The following TMEM87B variants were observed in gnomAD, a reference collection of about 807,000 sequenced individuals.
TMEM87B encodes the protein transmembrane protein 87B.
TMEM87B carries 83 observed loss-of-function variants against 80.3 expected under a neutral mutation model. The observed-to-expected ratio is 1.03, with a 90% confidence interval of 0.87 to 1.24. The LOEUF is 1.24. Among genes scored for constraint, TMEM87B ranks in the 50% most tolerant of loss-of-function variants. The pLI is 0.00. For missense variants in TMEM87B, 625 were observed against 674.4 expected, an observed-to-expected ratio of 0.93 and a Z score of 0.81; for synonymous variants, 219 against 230.5, an observed-to-expected ratio of 0.95 and a Z score of 0.45.
rs1357486656 is a variant in TMEM87B at position 112,055,699 on chromosome 2, C to T, written c.108C>T (p.Thr36=). 2 of 1,553,264 alleles carry T rather than the reference C, an allele frequency of 1.3e-6. No homozygotes were observed. Among genetic ancestry groups the T allele is most frequent in the South Asian group, 1.2e-5 (1 of 83,496 alleles). Residue 36 remains threonine, a synonymous_variant, in exon 1 of 19, where the codon ACC becomes ACT. Transcript: ENST00000283206. ...TCGCCCTCTGCCTCCTGTGCTGGAC[C>T]CCGGCGGCTGTGCGCGCGGTCCCTG... ...LRVALCLLCW[T]PAAVRAVPEL...
At chr2:112,084,521 G>C (rs1218403686) in intron 8 of TMEM87B, among the ~76,000 whole-genome samples, 1 of 152,218 alleles carries the variant, frequency 6.6e-6, no homozygotes, top group South Asian at 2.1e-4. Flanking sequence ...CTCGCTGCAT[G>C]ATACTGCCAG....
chr2:112,109,738 A>G (rs1256497378), intron 17 of TMEM87B, among the ~76,000 whole-genome samples: 1 of 77,322 alleles, frequency 1.3e-5, no homozygotes, highest in Non-Finnish European at 2.5e-5. Flanking sequence ...TCCCATGGTC[A>G]TTTTCCAGTG....
At chr2:112,096,345 A>G (rs779867188) in intron 11 of TMEM87B, among the ~76,000 whole-genome samples, 1 of 152,046 alleles carries the variant, frequency 6.6e-6, no homozygotes, top group Non-Finnish European at 1.5e-5. Flanking sequence ...CGGTGTGTCT[A>G]GTCCCACCAC....
intron 13 of TMEM87B, 22 bp downstream of exon 13, chr2:112,097,313 A>G: frequency 6.4e-7 from 1 of 1,551,242 alleles, no homozygotes; most frequent in Non-Finnish European, 8.7e-7. Flanking sequence ...CTTCCTATTT[A>G]AACAGTTATT....
chr2:112,096,935 T>G, intron 11 of TMEM87B, 109 bp from the exon 12 acceptor site: 2 of 723,744 alleles, frequency 2.8e-6, no homozygotes, highest in Non-Finnish European at 4.7e-6. Context: ...GCTTCAAATT[T>G]TAGGAACTGT....
intron 15 of TMEM87B, among the ~76,000 whole-genome samples, chr2:112,101,611 T>C (rs940743188): frequency 1.3e-5 from 2 of 152,180 alleles, no homozygotes; most frequent in Non-Finnish European, 2.9e-5. Context: ...TACTGTATTC[T>C]TACAATAAAG....
chr2:112,113,053 TATGA>T (rs1208373794), intron 18 of TMEM87B, 124 bp downstream of exon 18: 22 of 874,182 alleles, frequency 2.5e-5, no homozygotes, highest in Middle Eastern at 6.9e-4. Flanking sequence ...AGAAAGATGC[TATGA>T]ATTGATTTGT....
intron 3 of TMEM87B, 150 bp from the exon 4 acceptor site, chr2:112,066,786 C>A: frequency 1.4e-6 from 1 of 695,898 alleles, no homozygotes; most frequent in Non-Finnish European, 2.2e-6. Context: ...ATATTCGAAA[C>A]AGTTTTTATT....
At chr2:112,111,693 CTG>C (rs1254422553) in intron 17 of TMEM87B, among the ~76,000 whole-genome samples, 3 of 152,146 alleles carry the variant, frequency 2.0e-5, no homozygotes, top group Non-Finnish European at 4.4e-5. Flanking sequence ...CCTTATACAT[CTG>C]TGGAAATGGA....
At chr2:112,073,242 T>G (rs937561035) in intron 4 of TMEM87B, among the ~76,000 whole-genome samples, 1 of 152,166 alleles carries the variant, frequency 6.6e-6, no homozygotes, top group Non-Finnish European at 1.5e-5. Context: ...GGGCGTTTAG[T>G]GCTGTAAATT....
intron 4 of TMEM87B, among the ~76,000 whole-genome samples, chr2:112,068,822 T>C (rs1008207101): frequency 1.3e-5 from 2 of 152,206 alleles, no homozygotes; most frequent in African/African-American, 4.8e-5. Flanking sequence ...GGCAACACTA[T>C]CCTCATTAAG....
At chr2:112,078,920 A>G (rs977630545) in intron 6 of TMEM87B, among the ~76,000 whole-genome samples, 11 of 152,200 alleles carry the variant, frequency 7.2e-5, no homozygotes, top group African/African-American at 2.4e-4. Context: ...GTATATGATC[A>G]GATTTGGCAC....
chr2:112,092,205 T>C (rs988649856), intron 11 of TMEM87B, among the ~76,000 whole-genome samples: 4 of 152,120 alleles, frequency 2.6e-5, no homozygotes, highest in African/African-American at 9.7e-5. Context: ...AACATTTAAA[T>C]TGAGACTGGG....
chr2:112,113,131 A>G (rs1324072442), intron 18 of TMEM87B, among the ~76,000 whole-genome samples: 1 of 142,668 alleles, frequency 7.0e-6, no homozygotes, highest in Non-Finnish European at 1.5e-5. Flanking sequence ...ATAAATACTT[A>G]CTGGTATGAA....
At chr2:112,093,828 A>C (rs1233367501) in intron 11 of TMEM87B, among the ~76,000 whole-genome samples, 3 of 152,224 alleles carry the variant, frequency 2.0e-5, no homozygotes, top group Non-Finnish European at 1.5e-5. Flanking sequence ...CTGCTTGTTA[A>C]GGGGACTCTC....
At chr2:112,089,967 A>G (rs534972745) in intron 10 of TMEM87B, among the ~76,000 whole-genome samples, 1 of 152,366 alleles carries the variant, frequency 6.6e-6, no homozygotes, top group East Asian at 1.9e-4. Flanking sequence ...GTCCCATCCC[A>G]GAAAGGTTCA....
At chr2:112,071,874 A>C (rs1346996161) in intron 4 of TMEM87B, among the ~76,000 whole-genome samples, 2 of 152,190 alleles carry the variant, frequency 1.3e-5, no homozygotes, top group African/African-American at 2.4e-5. Context: ...TGTCAAGGGT[A>C]ATGCTTCCAG....
chr2:112,083,037 A>T (rs1177086993), intron 8 of TMEM87B, among the ~76,000 whole-genome samples: 1 of 152,210 alleles, frequency 6.6e-6, no homozygotes, highest in Non-Finnish European at 1.5e-5. Context: ...CCCAAGTGGG[A>T]ATTCTGTGAC....
chr2:112,078,177 A>C (rs561785597), intron 6 of TMEM87B, among the ~76,000 whole-genome samples: 4 of 152,332 alleles, frequency 2.6e-5, no homozygotes, highest in Admixed American at 2.6e-4. Flanking sequence ...CCCTGATGCC[A>C]TTCTGTCACC....
Sources: gnomAD v4.1 joint callset for allele counts (sites outside exome capture counted in the v4.1 genomes callset) on GRCh38, gnomAD v4.1.1 for gene constraint, MANE v1.5 for transcripts, NCBI Gene and HGNC (gene_info 2026-07-23, HGNC 2026-07-21) for gene names.